The following TAX1BP1 variants were observed in gnomAD, a reference collection of about 807,000 sequenced individuals.
TAX1BP1 encodes the protein Tax1 binding protein 1, also known as tax1-binding protein 1.
Under a neutral mutation model 97.7 loss-of-function variants are expected in TAX1BP1, and 62 were observed. The observed-to-expected ratio is 0.63, with a 90% CI of 0.52 to 0.78. TAX1BP1 has a LOEUF of 0.78. Ranked by LOEUF, TAX1BP1 falls within the 30% of genes least tolerant of loss-of-function variation. TAX1BP1 has a pLI of 0.00. For missense variants in TAX1BP1, 867 were observed against 916.1 expected (o/e 0.95, Z 0.69); for synonymous variants, 340 against 304.2 (o/e 1.12, Z -1.23).
At position 27,827,816 on chromosome 7, in the gene TAX1BP1, T is replaced by C; in HGVS notation, c.2164T>C (p.Ser722Pro). 1 of 1,613,618 alleles carries C rather than the reference T, an allele frequency of 6.2e-7. No individual in the cohort carries two copies. Among genetic ancestry groups the C allele is most frequent in the Non-Finnish European group, 8.5e-7 (1 of 1,179,762 alleles). ...GCATGGGACAGGCTTTTGCTTTGAT[T>C]CCAGGTAGTTTTCTTCTTTACTTTG... ...RGHGTGFCFDSSFDVHKKCPL... is the reference protein window; with the variant it reads ...RGHGTGFCFDPSFDVHKKCPL... The change falls in exon 16 of 17, where the codon TCC (serine) becomes CCC (proline). Residue 722 changes from serine (S) to proline (P), a missense_variant. Physicochemically the swap from Ser to Pro is moderately conservative, Grantham distance 74. Transcript: ENST00000396319.
chr7:27,804,343 CT>C (rs778520352), intron 13 of TAX1BP1, among the ~76,000 whole-genome samples: 3 of 152,218 alleles, frequency 2.0e-5, no homozygotes, highest in Non-Finnish European at 4.4e-5. Context: ...CAACTCATCA[CT>C]TTTTCCACAT....
At chr7:27,804,994 G>A (rs1265458729) in intron 13 of TAX1BP1, among the ~76,000 whole-genome samples, 1 of 152,150 alleles carries the variant, frequency 6.6e-6, no homozygotes, top group African/African-American at 2.4e-5. Context: ...CTATGCACAT[G>A]TAGTTTTCTG....
chr7:27,765,764 T>C (rs1199579076), intron 3 of TAX1BP1, 70 bp from the exon 4 acceptor site: 2 of 1,333,386 alleles, frequency 1.5e-6, no homozygotes, highest in African/African-American at 1.5e-5. Flanking sequence ...ATGGCAAGTA[T>C]TGTTAAATTG....
chr7:27,828,106 A>G (rs1791254288), intron 16 of TAX1BP1, among the ~76,000 whole-genome samples: 2 of 152,220 alleles, frequency 1.3e-5, no homozygotes, highest in Non-Finnish European at 2.9e-5. Context: ...CTAGTTTTGC[A>G]AAAAACACCT....
rs2128304763 is a variant in TAX1BP1 at position 27,740,286 on chromosome 7, G to A, written c.-8+17G>A. The A allele has an allele frequency of 6.5e-6, 1 of 152,890 alleles. No homozygotes were observed. Among genetic ancestry groups the A allele is most frequent in the African/African-American group, 2.4e-5 (1 of 41,556 alleles). 9.5% of individuals were successfully genotyped at this position (152,890 alleles called of 1,614,324 possible). ...TTCCACTGGGTAAGGCGCCTCCCCG[G>A]TCCACCCCAGCGCCTTGTGCGGGGC... is the stretch of plus-strand genomic sequence containing the variant. On this transcript the variant is annotated intron_variant, in intron 1 of 16. Coordinates refer to ENST00000396319, the MANE Select transcript of TAX1BP1 (RefSeq NM_006024.7).
chr7:27,758,890 G>T (rs536844313), intron 3 of TAX1BP1, among the ~76,000 whole-genome samples: 1 of 152,086 alleles, frequency 6.6e-6, no homozygotes, highest in South Asian at 2.1e-4. Context: ...TAATGGTGGT[G>T]GTGGTTGCAC....
At chr7:27,770,932 T>G (rs1344268368) in intron 5 of TAX1BP1, among the ~76,000 whole-genome samples, 2 of 151,972 alleles carry the variant, frequency 1.3e-5, no homozygotes, top group Non-Finnish European at 2.9e-5. Context: ...CCAGTTTTAC[T>G]CCTGGGGAAC....
rs114551772 is a variant in TAX1BP1, at chr7:27,814,425, T to C, written c.1765-1924T>C. On this transcript the variant is annotated intron_variant, in intron 13 of 16. Coordinates refer to ENST00000396319, the MANE Select transcript of TAX1BP1 (RefSeq NM_006024.7). The stretch of plus-strand genomic sequence containing the variant: ...TGTACAAAAGCCTACTGGGATTTTC[T>C]AGGCATTGTATTGTATCTATAGTTA... Among the ~76,000 whole-genome samples the C allele has an allele frequency of 7.5e-3, 1,148 of 152,264 alleles. 15 individuals carry two copies. The highest frequency in any genetic ancestry group is 0.026 in the African/African-American group (1,101 of 41,564).
At chr7:27,792,880 T>G (rs547414347) in intron 9 of TAX1BP1, among the ~76,000 whole-genome samples, 186 bp from the exon 10 acceptor site, 3 of 152,222 alleles carry the variant, frequency 2.0e-5, no homozygotes, top group African/African-American at 7.2e-5. Context: ...AGAGGATTGC[T>G]TGAGCCAGGA....
intron 12 of TAX1BP1, 113 bp from the exon 13 acceptor site, chr7:27,799,852 T>G: frequency 1.5e-6 from 1 of 685,008 alleles, no homozygotes; most frequent in Non-Finnish European, 2.2e-6. Context: ...CCAATTTTTA[T>G]GCTGTTACAA....
chr7:27,760,537 C>T (rs927866598), intron 3 of TAX1BP1, among the ~76,000 whole-genome samples: 6 of 151,266 alleles, frequency 4.0e-5, no homozygotes, highest in East Asian at 2.0e-4. Flanking sequence ...GGACCGGAGG[C>T]GCCCGCCACC....
chr7:27,766,477 T>C, intron 4 of TAX1BP1, among the ~76,000 whole-genome samples: 1 of 141,026 alleles, frequency 7.1e-6, no homozygotes, highest in Non-Finnish European at 1.5e-5. Flanking sequence ...CGAATGCTTT[T>C]TAACTAAAAT....
intron 13 of TAX1BP1, chr7:27,803,139 A>C (rs1790202112): frequency 6.5e-7 from 1 of 1,548,576 alleles, no homozygotes; most frequent in Middle Eastern, 1.7e-4. Flanking sequence ...CAAAGAAATA[A>C]GTGGTCTGAT....
At chr7:27,749,985 C>T (rs559435281) in intron 2 of TAX1BP1, among the ~76,000 whole-genome samples, 8 of 152,132 alleles carry the variant, frequency 5.3e-5, no homozygotes, top group African/African-American at 1.7e-4. Context: ...GAGACAGGGT[C>T]TCACTATGTT....
At chr7:27,754,945 C>T (rs556355074) in intron 2 of TAX1BP1, among the ~76,000 whole-genome samples, 6 of 152,034 alleles carry the variant, frequency 3.9e-5, no homozygotes, top group South Asian at 4.2e-4. Context: ...TTTTTAATGC[C>T]GTGATTTTTT....
intron 1 of TAX1BP1, among the ~76,000 whole-genome samples, chr7:27,746,360 G>A (rs58802669): frequency 0.017 from 2,462 of 143,206 alleles, 54 homozygotes; most frequent in African/African-American, 0.052. Flanking sequence ...TTGGTGTCTT[G>A]TAACCAGTAG....
intron 15 of TAX1BP1, among the ~76,000 whole-genome samples, chr7:27,825,080 T>C (rs1791123645): frequency 6.6e-6 from 1 of 152,186 alleles, no homozygotes; most frequent in Admixed American, 6.5e-5. Flanking sequence ...TCATTTAATA[T>C]AACCTTGATG....
At chr7:27,816,660 A>G (rs1790779643) in intron 14 of TAX1BP1, 140 bp downstream of exon 14, 2 of 900,690 alleles carry the variant, frequency 2.2e-6, no homozygotes, top group Non-Finnish European at 3.2e-6. Flanking sequence ...CAGTTTTAAT[A>G]TTTAACACTG....
At chr7:27,779,691 G>GTT (rs1252659740) in intron 5 of TAX1BP1, among the ~76,000 whole-genome samples, 2 of 152,172 alleles carry the variant, frequency 1.3e-5, no homozygotes, top group East Asian at 3.8e-4. Context: ...ACAGTGTAAA[G>GTT]TTTTTGTTGT....
Sources: allele counts gnomAD v4.1 joint callset (sites outside exome capture counted in the v4.1 genomes callset), GRCh38; gene constraint gnomAD v4.1.1; transcripts MANE v1.5; gene names NCBI Gene and HGNC (gene_info 2026-07-23, HGNC 2026-07-21).